GRID2: variants seen among roughly 807,000 people sequenced by gnomAD.
GRID2 encodes glutamate receptor ionotropic, delta-2.
GRID2 carries 33 observed loss-of-function variants against 114.8 expected under a neutral mutation model. The ratio of observed to expected loss-of-function variants is 0.29; its 90% CI spans 0.22 to 0.38. GRID2 has a LOEUF of 0.38. Among genes scored for constraint, GRID2 ranks in the 10% least tolerant of loss-of-function variants. GRID2 has a pLI of 1.00. For synonymous variants in GRID2, 505 were observed against 449.9 expected, an observed-to-expected ratio of 1.12 and a Z score of -1.55; for missense variants, 1,184 against 1,257.7, an observed-to-expected ratio of 0.94 and a Z score of 0.89.
intron 1 of GRID2, among the ~76,000 whole-genome samples, chr4:92,336,964 T>TTTTTTTTTTTTTTTTC (rs1727215071): frequency 6.7e-6 from 1 of 149,204 alleles, no homozygotes; most frequent in Non-Finnish European, 1.5e-5. Context: ...GTTTTTTTTT[T>TTTTTTTTTTTTTTTTC]TTTTTTTTTT....
At chr4:93,382,856 A>T (rs1387611511) in intron 8 of GRID2, among the ~76,000 whole-genome samples, 4 of 151,096 alleles carry the variant, frequency 2.6e-5, no homozygotes, top group Non-Finnish European at 5.9e-5. Flanking sequence ...TAACTCCGGC[A>T]ATCAGATTGT....
At chr4:92,585,643 T>C (rs769137502) in intron 1 of GRID2, among the ~76,000 whole-genome samples, 7 of 151,942 alleles carry the variant, frequency 4.6e-5, no homozygotes, top group Non-Finnish European at 7.4e-5. Context: ...CTGTGGAAAA[T>C]TTCTTCAAGA....
At chr4:93,282,928 T>A (rs1332431829) in intron 8 of GRID2, among the ~76,000 whole-genome samples, 1 of 151,912 alleles carries the variant, frequency 6.6e-6, no homozygotes, top group Admixed American at 6.6e-5. Flanking sequence ...CTTTTAATCA[T>A]CCAGCTCTCA....
chr4:93,348,038 A>G (rs748536090), intron 8 of GRID2, among the ~76,000 whole-genome samples: 1 of 152,152 alleles, frequency 6.6e-6, no homozygotes, highest in Non-Finnish European at 1.5e-5. Flanking sequence ...AAATGTTTCA[A>G]TCCATAAACC....
chr4:92,641,496 CTG>C (rs1731348426), intron 2 of GRID2, among the ~76,000 whole-genome samples: 1 of 149,390 alleles, frequency 6.7e-6, no homozygotes, highest in Non-Finnish European at 1.5e-5. Flanking sequence ...AACATAAAAA[CTG>C]TGAAAAAGAA....
intron 2 of GRID2, among the ~76,000 whole-genome samples, chr4:92,693,984 T>A (rs1734309643): frequency 6.6e-6 from 1 of 152,110 alleles, no homozygotes; most frequent in African/African-American, 2.4e-5. Flanking sequence ...GGTAAGGCCT[T>A]TGAAGCAGCA....
chr4:93,762,823 G>A (rs905094165), intron 14 of GRID2, among the ~76,000 whole-genome samples: 2 of 152,132 alleles, frequency 1.3e-5, no homozygotes, highest in Admixed American at 6.6e-5. Context: ...CCTCGCATGC[G>A]GGGTTAGAGC....
intron 1 of GRID2, among the ~76,000 whole-genome samples, chr4:92,527,114 G>T (rs889432292): frequency 6.6e-6 from 1 of 151,958 alleles, no homozygotes; most frequent in Non-Finnish European, 1.5e-5. Flanking sequence ...TTGAAGAATG[G>T]CATGAAATAG....
intron 1 of GRID2, among the ~76,000 whole-genome samples, chr4:92,442,139 A>T (rs997455583): frequency 4.6e-5 from 7 of 150,748 alleles, no homozygotes; most frequent in African/African-American, 1.5e-4. Flanking sequence ...TAAGAAGGGG[A>T]CGGGCTTACC....
intron 4 of GRID2, among the ~76,000 whole-genome samples, chr4:93,192,383 T>G (rs1472212624): frequency 6.6e-6 from 1 of 152,172 alleles, no homozygotes; most frequent in Non-Finnish European, 1.5e-5. Flanking sequence ...AGTGAATAGT[T>G]TACAACTTAT....
At chr4:93,801,408 T>C (rs1355866519) in intron 1 of GRID2, among the ~76,000 whole-genome samples, 1 of 152,082 alleles carries the variant, frequency 6.6e-6, no homozygotes, top group Non-Finnish European at 1.5e-5. Context: ...TATTTTCAGT[T>C]CCAAGTTCTA....
intron 14 of GRID2, among the ~76,000 whole-genome samples, chr4:93,692,808 T>C (rs1173285384): frequency 8.5e-5 from 13 of 152,178 alleles, no homozygotes; most frequent in Admixed American, 3.9e-4. Context: ...GAACATGCTA[T>C]TTTTTGGTAA....
intron 13 of GRID2, among the ~76,000 whole-genome samples, chr4:93,568,170 G>A (rs986427991): frequency 1.3e-5 from 2 of 152,086 alleles, no homozygotes; most frequent in Non-Finnish European, 2.9e-5. Context: ...TGCAAGCATG[G>A]TCATTGTGAA....
At chr4:93,518,845 G>A (rs1422221291) in intron 13 of GRID2, among the ~76,000 whole-genome samples, 1 of 152,018 alleles carries the variant, frequency 6.6e-6, no homozygotes, top group Non-Finnish European at 1.5e-5. Context: ...TGAGGTAGAA[G>A]CATGCCTAGA....
intron 8 of GRID2, among the ~76,000 whole-genome samples, chr4:93,316,299 A>AAAGAACGAAAGAAC (rs1560490448): frequency 5.1e-4 from 61 of 120,784 alleles, no homozygotes; most frequent in Non-Finnish European, 4.1e-4. Flanking sequence ...AACGAAAGAA[A>AAAGAACGAAAGAAC]GAAAGAAAGA....
intron 2 of GRID2, among the ~76,000 whole-genome samples, chr4:93,024,841 T>G (rs940623365): frequency 4.6e-5 from 7 of 151,776 alleles, no homozygotes; most frequent in Non-Finnish European, 8.9e-5. Flanking sequence ...CATGGCATTA[T>G]TTCTTTGTCA....
chr4:93,701,750 A>G (rs1727529287), intron 14 of GRID2, among the ~76,000 whole-genome samples: 1 of 152,068 alleles, frequency 6.6e-6, no homozygotes. Context: ...GATACTTGGG[A>G]GGCTGAGGTG....
intron 14 of GRID2, among the ~76,000 whole-genome samples, chr4:93,740,388 G>A (rs536506800): frequency 4.5e-4 from 68 of 152,244 alleles, no homozygotes; most frequent in Middle Eastern, 3.4e-3. Flanking sequence ...AATAAGCTAC[G>A]CAGAACCCTG....
At chr4:92,414,468 CA>C (rs1158952712) in intron 1 of GRID2, among the ~76,000 whole-genome samples, 2 of 151,982 alleles carry the variant, frequency 1.3e-5, no homozygotes, top group African/African-American at 4.8e-5. Context: ...AAAAGAGAAG[CA>C]ATAGAGTTAA....
Sources: allele counts gnomAD v4.1 joint callset (sites outside exome capture counted in the v4.1 genomes callset), GRCh38; gene constraint gnomAD v4.1.1; transcripts MANE v1.5; gene names NCBI Gene and HGNC (gene_info 2026-07-23, HGNC 2026-07-21).